Variants in STEAP4 observed in about 807,000 individuals in gnomAD.
STEAP4 encodes STEAP4 metalloreductase, also known as metalloreductase STEAP4.
STEAP4 carries 36 observed loss-of-function variants against 43.6 expected under a neutral mutation model. The observed-to-expected ratio is 0.83, with a 90% CI of 0.63 to 1.09. The LOEUF (loss-of-function observed/expected upper bound fraction) is 1.09. STEAP4 is among the 50% of genes least tolerant of loss of function. The probability of loss-of-function intolerance (pLI) is 0.00; values close to 1 mark genes in which losing one functional copy is unlikely to be tolerated. For synonymous variants in STEAP4, 191 were observed against 196.7 expected, an observed-to-expected ratio of 0.97 and a Z score of 0.24; for missense variants, 495 against 546.5, an observed-to-expected ratio of 0.91 and a Z score of 0.94.
At chr7:88,294,510 T>C (rs1405387354) in intron 1 of STEAP4, among the ~76,000 whole-genome samples, 2 of 152,110 alleles carry the variant, frequency 1.3e-5, no homozygotes, top group Non-Finnish European at 2.9e-5. Context: ...TGATGGACTA[T>C]ATGCATAGAT....
chr7:88,272,671 C>T lies in STEAP4; in HGVS notation c.*6727G>A, dbSNP rs576758678. ...TTTAAGGGTGTGATTTTGTGTTTTA[C>T]AGACATATGCATTGATTTGTAATGA... On this transcript the variant is annotated 3_prime_UTR_variant, in exon 5 of 5. Coordinates refer to ENST00000380079, the MANE Select transcript of STEAP4 (RefSeq NM_024636.4). 1.3e-5 allele frequency: 2 copies of T among 152,206 alleles called. No individual in the cohort carries two copies. Among genetic ancestry groups the T allele is most frequent in the South Asian group, 2.1e-4 (1 of 4,820 alleles). 9.4% of individuals were successfully genotyped at this position (152,206 alleles called of 1,614,324 possible).
At position 88,279,608 on chromosome 7, in the gene STEAP4, G is replaced by A. The variant is rs1852581337; in HGVS notation, c.1170C>T (p.Thr390=). ...RFVQSKLGYL[T]LILCTAHTLV... ...GGGTGTGGGCTGTACACAAGATCAG[G>A]GTCAAATAACCCAGTTTGGACTATA... Residue 390 remains threonine, a synonymous_variant, in exon 5 of 5, where the codon ACC becomes ACT. Transcript: ENST00000380079. The A allele has an allele frequency of 6.2e-7, 1 of 1,612,984 alleles. No individual in the cohort carries two copies. The highest frequency in any genetic ancestry group is 8.5e-7 in the Non-Finnish European group (1 of 1,179,500).
intron 1 of STEAP4, among the ~76,000 whole-genome samples, chr7:88,299,493 C>A (rs55791858): frequency 0.043 from 6,605 of 152,226 alleles, 174 homozygotes; most frequent in South Asian, 0.11. Flanking sequence ...TGGTCATGAC[C>A]AGGACCAGTG....
At position 88,274,531 on chromosome 7, in the gene STEAP4, G is replaced by A. The variant is rs1161240695; in HGVS notation, c.*4867C>T. On this transcript the variant is annotated 3_prime_UTR_variant, in exon 5 of 5. Coordinates refer to ENST00000380079, the MANE Select transcript of STEAP4 (RefSeq NM_024636.4). ...GGTAATGCATATGTTACCAGAAAGG[G>A]GGTCCAATACAGACCCCAAGAGAGA... The A allele has an allele frequency of 6.6e-6, 1 of 152,138 alleles. No individual in the cohort carries two copies. The highest frequency in any genetic ancestry group is 1.5e-5 in the Non-Finnish European group (1 of 68,038). The allele number at this position is 152,138 out of a possible 1,614,324, so 9.4% of individuals were successfully genotyped here.
chr7:88,292,277 G>A (rs1852848326), intron 1 of STEAP4: 1 of 152,094 alleles, frequency 6.6e-6, no homozygotes, highest in Admixed American at 6.6e-5. Context: ...GAGCCAGCCT[G>A]GCTGGTGAAT....
chr7:88,271,221 A>G lies in STEAP4; in HGVS notation c.*8177T>C, dbSNP rs1450542689. ...CCCCATTACCTTTTAAATTAAATTTATTTTAATAATTAGGTAACCTACTCA... is the reference window on the plus strand; with the variant it reads ...CCCCATTACCTTTTAAATTAAATTTGTTTTAATAATTAGGTAACCTACTCA... On this transcript the variant is annotated 3_prime_UTR_variant, in exon 5 of 5. Transcript: ENST00000380079. The G allele has an allele frequency of 1.3e-5, 2 of 152,136 alleles. No homozygotes were observed. The highest frequency in any genetic ancestry group is 4.8e-5 in the African/African-American group (2 of 41,434). The allele number at this position is 152,136 out of a possible 1,614,324, so 9.4% of individuals were successfully genotyped here.
chr7:88,289,106 A>G (rs1012158219), intron 1 of STEAP4, among the ~76,000 whole-genome samples: 2 of 151,282 alleles, frequency 1.3e-5, no homozygotes, highest in African/African-American at 4.9e-5. Context: ...GTGTGTGTCT[A>G]TTGTTCAATG....
chr7:88,271,124 G>A lies in STEAP4; in HGVS notation c.*8274C>T, dbSNP rs1266738324. The A allele has an allele frequency of 6.6e-6, 1 of 152,044 alleles. No homozygotes were observed. Among genetic ancestry groups the A allele is most frequent in the Non-Finnish European group, 1.5e-5 (1 of 67,990 alleles). 9.4% of individuals were successfully genotyped at this position (152,044 alleles called of 1,614,324 possible). A position where few individuals can be genotyped will look rare whatever the true frequency, so the allele number is the denominator to read the frequency against. On this transcript the variant is annotated 3_prime_UTR_variant, in exon 5 of 5. Transcript: ENST00000380079. ...TTGTTAACTGTAGTCATCCTACAGA[G>A]CTATAGAACACTACAACTTAATCTT...
chr7:88,289,592 C>T (rs1852802577), intron 1 of STEAP4, among the ~76,000 whole-genome samples: 2 of 152,156 alleles, frequency 1.3e-5, no homozygotes, highest in South Asian at 4.1e-4. Context: ...AAAAGCAGAG[C>T]ATTTAGGCCT....
chr7:88,305,683 A>G (rs1335974393), intron 1 of STEAP4, among the ~76,000 whole-genome samples: 5 of 152,220 alleles, frequency 3.3e-5, no homozygotes, highest in Non-Finnish European at 7.3e-5. Flanking sequence ...AACATGCATT[A>G]TTATGAAAAA....
intron 1 of STEAP4, among the ~76,000 whole-genome samples, chr7:88,284,522 T>C (rs1852691292): frequency 6.6e-6 from 1 of 152,158 alleles, no homozygotes; most frequent in Non-Finnish European, 1.5e-5. Flanking sequence ...AAAGCTTCTG[T>C]TTGATAAAAG....
chr7:88,293,215 G>T (rs965220910), intron 1 of STEAP4, among the ~76,000 whole-genome samples: 7 of 151,982 alleles, frequency 4.6e-5, no homozygotes, highest in Admixed American at 4.6e-4. Context: ...TAATTATGTT[G>T]CATATCTCTT....
At position 88,280,934 on chromosome 7, in the gene STEAP4, C is replaced by A; in HGVS notation, c.1130G>T (p.Arg377Ile). 2 of 1,609,596 alleles carry A rather than the reference C, an allele frequency of 1.2e-6. No homozygotes were observed. The highest frequency in any genetic ancestry group is 1.7e-6 in the Non-Finnish European group (2 of 1,178,326). Residue 377 changes from arginine (R) to isoleucine (I), a missense_variant, in exon 4 of 5, where the codon AGA becomes ATA. Transcript: ENST00000380079. ...TCTTACCTGGACAAATCGGAACTCTCTCCAGTTGACTGCATTGCTAACAGA... is the reference window on the plus strand; with the variant it reads ...TCTTACCTGGACAAATCGGAACTCTATCCAGTTGACTGCATTGCTAACAGA... Reference protein sequence around the residue: ...LPSVSNAVNWREFRFVQSKLG... With the variant: ...LPSVSNAVNWIEFRFVQSKLG...
At chr7:88,301,371 C>T (rs148037098) in intron 1 of STEAP4, among the ~76,000 whole-genome samples, 3 of 152,160 alleles carry the variant, frequency 2.0e-5, no homozygotes, top group Non-Finnish European at 4.4e-5. Context: ...CTCCCAGGCT[C>T]AAGAGATCTT....
At chr7:88,284,383 C>T (rs1852688582) in intron 1 of STEAP4, 112 bp from the exon 2 acceptor site, 1 of 811,162 alleles carries the variant, frequency 1.2e-6, no homozygotes, top group African/African-American at 1.7e-5. Flanking sequence ...ATCTAATTAT[C>T]TTAACTATAT....
chr7:88,304,341 A>T (rs968199523), intron 1 of STEAP4: 18 of 152,164 alleles, frequency 1.2e-4, no homozygotes, highest in Non-Finnish European at 1.5e-5. Flanking sequence ...ATAATAATAA[A>T]AAAAAATCTG....
At chr7:88,297,424 A>G (rs1168499909) in intron 1 of STEAP4, among the ~76,000 whole-genome samples, 1 of 152,194 alleles carries the variant, frequency 6.6e-6, no homozygotes, top group Non-Finnish European at 1.5e-5. Flanking sequence ...ACTAGTTTTG[A>G]GAACTGTTTA....
Position 88,273,610 on chromosome 7 carries a change from A to G in STEAP4, c.*5788T>C, listed in dbSNP as rs1203600257. 1 of 152,166 alleles carries G rather than the reference A, an allele frequency of 6.6e-6. No individual in the cohort carries two copies. The allele number at this position is 152,166 out of a possible 1,614,324, so 9.4% of individuals were successfully genotyped here. On this transcript the variant is annotated 3_prime_UTR_variant, in exon 5 of 5. Transcript: ENST00000380079. ...GCATGGGTTACTGGATCTCAAAAAC[A>G]AATAAGTTCACTCAGTACACAAAGC...
chr7:88,279,745 T>TG, intron 4 of STEAP4, 117 bp from the exon 5 acceptor site: 1 of 820,608 alleles, frequency 1.2e-6, no homozygotes, highest in Non-Finnish European at 1.9e-6. Flanking sequence ...CTATAATGTT[T>TG]AGGACACTTT....
Sources: gnomAD v4.1 joint callset for allele counts (sites outside exome capture counted in the v4.1 genomes callset) on GRCh38, gnomAD v4.1.1 for gene constraint, MANE v1.5 for transcripts, NCBI Gene and HGNC (gene_info 2026-07-23, HGNC 2026-07-21) for gene names.